The following IL1RAPL2 variants were observed in gnomAD, a reference collection of about 807,000 sequenced individuals.
IL1RAPL2 encodes X-linked interleukin-1 receptor accessory protein-like 2.
Under a neutral mutation model 44.1 loss-of-function variants are expected in IL1RAPL2, and 3 were observed. That is an observed-to-expected ratio of 0.07 (90% CI 0.03 to 0.18). IL1RAPL2 has a LOEUF of 0.18. IL1RAPL2 is among the 10% of genes least tolerant of loss of function. IL1RAPL2 has a pLI of 1.00. For synonymous variants in IL1RAPL2, 181 were observed against 178.8 expected (o/e 1.01, Z -0.10); for missense variants, 391 against 496.4 (o/e 0.79, Z 2.02).
chrX:104,894,574 G>A (rs186436702), intron 2 of IL1RAPL2, among the ~76,000 whole-genome samples: 5 of 111,308 alleles, frequency 4.5e-5, no homozygotes, highest in Admixed American at 9.6e-5. Context: ...CCAGTTGATC[G>A]AATCGGCTAC....
intron 2 of IL1RAPL2, among the ~76,000 whole-genome samples, chrX:104,709,653 T>C (rs1208296287): frequency 9.0e-6 from 1 of 111,385 alleles, no homozygotes; most frequent in African/African-American, 3.3e-5. Context: ...TTAAAATATT[T>C]GTTAACATCA....
chrX:104,660,517 TAAGAG>T lies in IL1RAPL2; in HGVS notation c.82+1529_82+1533del, dbSNP rs1178715515. 1.0e-4 allele frequency among the ~76,000 whole-genome samples: 11 copies of T among 106,193 alleles called. No individual in the cohort carries two copies. The East Asian group carries it at 1.7e-3, about 17-fold the overall frequency. 92.2% of individuals were successfully genotyped at this position (106,193 alleles called of 115,157 possible). Reference sequence around the variant, plus strand: ...CTTATACCTTGGTTTGCTTATTATATAAGAGAAGAGAGGCTGTTAAAATATATATA... The same window carrying T: ...CTTATACCTTGGTTTGCTTATTATATAAGAGAGGCTGTTAAAATATATATA... On this transcript the variant is annotated intron_variant, in intron 2 of 10. Transcript: ENST00000372582.
At chrX:105,243,601 A>ATT (rs1273610539) in intron 4 of IL1RAPL2, among the ~76,000 whole-genome samples, 2 of 85,245 alleles carry the variant, frequency 2.3e-5, no homozygotes, top group African/African-American at 1.5e-4. Flanking sequence ...ATATATATAT[A>ATT]TATATTTTTT....
chrX:105,002,283 T>A (rs1399534008), intron 2 of IL1RAPL2, among the ~76,000 whole-genome samples: 3 of 111,320 alleles, frequency 2.7e-5, no homozygotes, highest in Non-Finnish European at 5.7e-5. Context: ...CAGGAAAATA[T>A]AACAGAACAA....
intron 5 of IL1RAPL2, among the ~76,000 whole-genome samples, chrX:105,353,523 A>G (rs2035174968): frequency 8.9e-6 from 1 of 111,748 alleles, no homozygotes; most frequent in African/African-American, 3.3e-5. Context: ...TACCTTGGGC[A>G]GTATGGCCAT....
At chrX:105,740,016 T>G (rs928425373) in intron 7 of IL1RAPL2, among the ~76,000 whole-genome samples, 5 of 102,179 alleles carry the variant, frequency 4.9e-5, no homozygotes, top group Non-Finnish European at 7.9e-5. Context: ...ACCTGTTGTT[T>G]CCTGACTTTT....
chrX:105,724,925 G>A (rs1463613800), intron 7 of IL1RAPL2, among the ~76,000 whole-genome samples: 1 of 111,304 alleles, frequency 9.0e-6, no homozygotes, highest in Admixed American at 9.6e-5. Context: ...ATTCTAGGAA[G>A]GCCACCTCAG....
rs759297261 is a variant in IL1RAPL2 at position 105,519,911 on chromosome X, A to T, written c.772+35524A>T. Among the ~76,000 whole-genome samples, 22 of 111,196 alleles carry T rather than the reference A, an allele frequency of 2.0e-4. No homozygotes were observed. The Admixed American group carries it at 2.0e-3, about 10-fold the overall frequency. ...TTTTACTTTAAACACAGTCTGAAAA[A>T]CTCTGCATTCTATTTTGTTCTCTTT... is the stretch of plus-strand genomic sequence containing the variant. On this transcript the variant is annotated intron_variant, in intron 6 of 10. Coordinates refer to ENST00000372582, the MANE Select transcript of IL1RAPL2 (RefSeq NM_017416.2).
At chrX:104,750,440 C>T (rs1225353855) in intron 2 of IL1RAPL2, among the ~76,000 whole-genome samples, 2 of 110,501 alleles carry the variant, frequency 1.8e-5, no homozygotes, top group Non-Finnish European at 3.8e-5. Context: ...ATTTGAGGAG[C>T]TCCAAAAACT....
chrX:105,550,472 C>A (rs2036842439), intron 6 of IL1RAPL2, among the ~76,000 whole-genome samples: 1 of 111,792 alleles, frequency 8.9e-6, no homozygotes, highest in African/African-American at 3.3e-5. Context: ...ATCTTTCTGT[C>A]CCATCCAGGT....
In IL1RAPL2 at chrX:105,268,212, G is replaced by A. The variant is rs183814164; in HGVS notation, c.697+671G>A. Among the ~76,000 whole-genome samples, 3 of 108,779 alleles carry A rather than the reference G, an allele frequency of 2.8e-5. No individual in the cohort carries two copies. In the Admixed American group the frequency reaches 2.9e-4, roughly 11 times the overall value. 94.5% of individuals were successfully genotyped at this position (108,779 alleles called of 115,157 possible). On this transcript the variant is annotated intron_variant, in intron 5 of 10. Coordinates refer to ENST00000372582, the MANE Select transcript of IL1RAPL2 (RefSeq NM_017416.2). ...TGAATGTGATGGAACCTGAGAAACT[G>A]TATGACAAAAAAATCTACTTACTAT...
chrX:104,938,845 T>C (rs1382846249), intron 2 of IL1RAPL2, among the ~76,000 whole-genome samples: 1 of 111,386 alleles, frequency 9.0e-6, no homozygotes, highest in Non-Finnish European at 1.9e-5. Context: ...GAAAGTGGTG[T>C]CATGGGAAAA....
At chrX:105,613,464 A>G (rs1241735585) in intron 6 of IL1RAPL2, among the ~76,000 whole-genome samples, 1 of 111,814 alleles carries the variant, frequency 8.9e-6, no homozygotes, top group Non-Finnish European at 1.9e-5. Context: ...AGTAAAGGGC[A>G]CTTTGTCTTG....
intron 2 of IL1RAPL2, among the ~76,000 whole-genome samples, chrX:105,033,305 T>A (rs1006721412): frequency 3.6e-5 from 4 of 111,768 alleles, no homozygotes; most frequent in Non-Finnish European, 5.6e-5. Flanking sequence ...GTTGATGCAG[T>A]TTCTTCCTAG....
chrX:104,715,428 A>AC (rs1459825859), intron 2 of IL1RAPL2, among the ~76,000 whole-genome samples: 14 of 107,013 alleles, frequency 1.3e-4, no homozygotes, highest in African/African-American at 4.7e-4. Context: ...AAAAAAAAAA[A>AC]AAAAAACCAG....
intron 5 of IL1RAPL2, among the ~76,000 whole-genome samples, chrX:105,446,462 T>C (rs1469627361): frequency 9.0e-6 from 1 of 111,399 alleles, no homozygotes; most frequent in Non-Finnish European, 1.9e-5. Context: ...TGTGTCCTCC[T>C]CTTCCTTTTT....
At chrX:105,363,630 T>C (rs1053195373) in intron 5 of IL1RAPL2, among the ~76,000 whole-genome samples, 4 of 109,978 alleles carry the variant, frequency 3.6e-5, no homozygotes, top group South Asian at 3.8e-4. Context: ...TTTTTGATAA[T>C]AGCCATTCTA....
chrX:104,834,229 C>T (rs1040712747), intron 2 of IL1RAPL2, among the ~76,000 whole-genome samples: 8 of 111,934 alleles, frequency 7.1e-5, no homozygotes, highest in African/African-American at 2.6e-4. Flanking sequence ...TGATGCCACT[C>T]CTCCTTGTTA....
At chrX:105,073,107 A>AT (rs1261793836) in intron 2 of IL1RAPL2, among the ~76,000 whole-genome samples, 1 of 105,375 alleles carries the variant, frequency 9.5e-6, no homozygotes, top group Non-Finnish European at 1.9e-5. Context: ...GGTTTGTTAC[A>AT]TATGTATACA....
Sources: gnomAD v4.1 joint callset for allele counts (sites outside exome capture counted in the v4.1 genomes callset) on GRCh38, gnomAD v4.1.1 for gene constraint, MANE v1.5 for transcripts, NCBI Gene and HGNC (gene_info 2026-07-23, HGNC 2026-07-21) for gene names.